The following RANBP17 variants were observed in gnomAD, a reference collection of about 807,000 sequenced individuals.
RANBP17 encodes the protein ran-binding protein 17.
A neutral mutation model predicts 141.2 loss-of-function variants in RANBP17; 158 were observed. That is an observed-to-expected ratio of 1.12 (90% CI 0.98 to 1.28). The LOEUF (loss-of-function observed/expected upper bound fraction) is 1.28. RANBP17 is among the 50% of genes most tolerant of loss of function. The pLI is 0.00. For synonymous variants in RANBP17, 430 were observed against 450.0 expected (o/e 0.96, Z 0.56); for missense variants, 1,438 against 1,290.7 (o/e 1.11, Z -1.75).
intron 24 of RANBP17, among the ~76,000 whole-genome samples, chr5:171,254,748 A>G (rs2128007740): frequency 6.6e-6 from 1 of 152,320 alleles, no homozygotes; most frequent in East Asian, 1.9e-4. Flanking sequence ...ATTGAAAGTT[A>G]TATTCAGGAT....
At chr5:170,990,882 A>C (rs1048205555) in intron 14 of RANBP17, among the ~76,000 whole-genome samples, 1 of 151,978 alleles carries the variant, frequency 6.6e-6, no homozygotes, top group Non-Finnish European at 1.5e-5. Flanking sequence ...CATGAGGGAT[A>C]CAATAGCGTT....
chr5:171,090,361 G>T (rs939238237), intron 14 of RANBP17, among the ~76,000 whole-genome samples: 2 of 152,194 alleles, frequency 1.3e-5, no homozygotes, highest in African/African-American at 2.4e-5. Flanking sequence ...CGAGAGAGAT[G>T]ATTTAGGCTA....
At chr5:170,967,236 G>C (rs147305035) in intron 13 of RANBP17, among the ~76,000 whole-genome samples, 7 of 152,072 alleles carry the variant, frequency 4.6e-5, no homozygotes, top group African/African-American at 1.7e-4. Flanking sequence ...AGGAGAATCT[G>C]TAGTCATATT....
intron 24 of RANBP17, among the ~76,000 whole-genome samples, chr5:171,258,501 C>G (rs1312316707): frequency 6.6e-6 from 1 of 151,958 alleles, no homozygotes; most frequent in East Asian, 1.9e-4. Flanking sequence ...GCTATAGTAA[C>G]CAAAGCAAAA....
chr5:170,983,873 G>A (rs1777936328), intron 14 of RANBP17, among the ~76,000 whole-genome samples: 1 of 152,128 alleles, frequency 6.6e-6, no homozygotes, highest in Admixed American at 6.6e-5. Context: ...ATGAAATCCA[G>A]AAGAATTAGT....
intron 14 of RANBP17, among the ~76,000 whole-genome samples, chr5:171,021,804 G>T (rs1310739691): frequency 6.6e-6 from 1 of 152,148 alleles, no homozygotes; most frequent in East Asian, 1.9e-4. Flanking sequence ...ATCCAGTTCT[G>T]CACCCTTGCT....
chr5:170,927,616 G>T (rs1488958714), intron 12 of RANBP17, among the ~76,000 whole-genome samples: 1 of 151,930 alleles, frequency 6.6e-6, no homozygotes, highest in African/African-American at 2.4e-5. Context: ...AGTTAGGAAA[G>T]TGAGCTCCTT....
chr5:171,159,856 G>A (rs548688302), intron 14 of RANBP17, among the ~76,000 whole-genome samples: 33 of 140,680 alleles, frequency 2.3e-4, no homozygotes, highest in African/African-American at 8.4e-4. Flanking sequence ...CCGGGAGGCA[G>A]AGCTTGCGGT....
At chr5:171,055,409 T>C (rs1228202067) in intron 14 of RANBP17, among the ~76,000 whole-genome samples, 3 of 152,194 alleles carry the variant, frequency 2.0e-5, no homozygotes, top group African/African-American at 7.2e-5. Context: ...CTCCCATTTT[T>C]ATTAAAGACA....
chr5:170,902,995 G>A (rs13185893), intron 5 of RANBP17, among the ~76,000 whole-genome samples: 91,573 of 152,048 alleles, frequency 0.6, 29,311 homozygotes, highest in South Asian at 0.9. Context: ...CAGGAGGCAC[G>A]GAGATCTGTG....
At chr5:170,986,910 T>C (rs562550516) in intron 14 of RANBP17, among the ~76,000 whole-genome samples, 1 of 151,940 alleles carries the variant, frequency 6.6e-6, no homozygotes, top group East Asian at 1.9e-4. Context: ...GATAGTATCT[T>C]CAATGGACTA....
intron 14 of RANBP17, among the ~76,000 whole-genome samples, chr5:171,110,321 TTAAG>T (rs1199984449): frequency 6.6e-6 from 1 of 152,086 alleles, no homozygotes; most frequent in African/African-American, 2.4e-5. Context: ...TATTTGGAGT[TTAAG>T]TAAACACATA....
chr5:171,299,100 A>G lies in RANBP17; in HGVS notation c.*242A>G, dbSNP rs1768998441. 1 of 405,758 alleles carries G rather than the reference A, an allele frequency of 2.5e-6. No individual in the cohort carries two copies. Among genetic ancestry groups the G allele is most frequent in the Non-Finnish European group, 4.5e-6 (1 of 223,708 alleles). 25.1% of individuals were successfully genotyped at this position (405,758 alleles called of 1,614,324 possible). On this transcript the variant is annotated 3_prime_UTR_variant, in exon 28 of 28. Transcript: ENST00000523189. ...GTTTTCAGTCTTTCTATCAAATATT[A>G]TCTTTGTTCTCCTAATGCTCTGAAA...
chr5:171,103,125 G>T (rs772062201), intron 14 of RANBP17, among the ~76,000 whole-genome samples: 18 of 152,172 alleles, frequency 1.2e-4, no homozygotes, highest in Non-Finnish European at 1.2e-4. Context: ...GAGCTCTAGC[G>T]CTGTGCTGAG....
intron 14 of RANBP17, among the ~76,000 whole-genome samples, chr5:171,160,599 A>G (rs1295190244): frequency 6.6e-6 from 1 of 152,152 alleles, no homozygotes; most frequent in Admixed American, 6.5e-5. Flanking sequence ...GAATCTCACT[A>G]GTCTTGGGCT....
At chr5:170,936,343 A>T (rs1428847497) in intron 12 of RANBP17, among the ~76,000 whole-genome samples, 1 of 152,004 alleles carries the variant, frequency 6.6e-6, no homozygotes, top group Non-Finnish European at 1.5e-5. Context: ...TGCAGAAATC[A>T]CCTGTCTTCT....
intron 24 of RANBP17, among the ~76,000 whole-genome samples, chr5:171,263,961 C>T (rs1766505312): frequency 2.6e-5 from 4 of 152,124 alleles, no homozygotes; most frequent in Admixed American, 1.3e-4. Flanking sequence ...ACTTGGGAGG[C>T]TGAGGTGGGA....
intron 14 of RANBP17, among the ~76,000 whole-genome samples, chr5:171,048,189 C>T (rs1007582494): frequency 3.9e-5 from 6 of 152,022 alleles, no homozygotes; most frequent in African/African-American, 2.4e-5. Flanking sequence ...CAGCTTCCCA[C>T]GTAGCTGGGA....
chr5:171,089,191 G>A (rs1231024396), intron 14 of RANBP17, among the ~76,000 whole-genome samples: 1 of 144,332 alleles, frequency 6.9e-6, no homozygotes, highest in Non-Finnish European at 1.5e-5. Flanking sequence ...AGGACCCTCA[G>A]CTGCAGGTCT....
Sources: gnomAD v4.1 joint callset for allele counts (sites outside exome capture counted in the v4.1 genomes callset) on GRCh38, gnomAD v4.1.1 for gene constraint, MANE v1.5 for transcripts, NCBI Gene and HGNC (gene_info 2026-07-23, HGNC 2026-07-21) for gene names.